The following FRAS1 variants were observed in gnomAD, a reference collection of about 807,000 sequenced individuals.
FRAS1 encodes the protein Fraser extracellular matrix complex subunit 1, also known as extracellular matrix organizing protein FRAS1.
A neutral mutation model predicts 435.2 loss-of-function variants in FRAS1; 290 were observed. The ratio of observed to expected loss-of-function variants is 0.67; its 90% CI spans 0.61 to 0.73. The LOEUF (loss-of-function observed/expected upper bound fraction) is 0.73. FRAS1 is among the 30% of genes least tolerant of loss of function. The pLI is 0.00. For synonymous variants in FRAS1, 1,800 were observed against 1,851.0 expected (o/e 0.97, Z 0.71); for missense variants, 4,860 against 5,001.5 (o/e 0.97, Z 0.85).
intron 2 of FRAS1, among the ~76,000 whole-genome samples, chr4:78,164,592 A>G (rs895312842): frequency 6.6e-6 from 1 of 152,178 alleles, no homozygotes; most frequent in African/African-American, 2.4e-5. Flanking sequence ...TCATTACTAT[A>G]TAACAGCTTC....
chr4:78,499,089 C>T (rs1720598692), intron 60 of FRAS1, among the ~76,000 whole-genome samples: 1 of 152,106 alleles, frequency 6.6e-6, no homozygotes. Flanking sequence ...TTCCTGGCAA[C>T]AGGATTCCAT....
rs999814205 is a variant in FRAS1 at position 78,475,428 on chromosome 4, G to A, written c.7683-10G>A. 1 of 1,613,658 alleles carries A rather than the reference G, an allele frequency of 6.2e-7. No individual in the cohort carries two copies. The highest frequency in any genetic ancestry group is 8.5e-7 in the Non-Finnish European group (1 of 1,179,720). On this transcript the variant is annotated splice_polypyrimidine_tract_variant and intron_variant, in intron 53 of 73. Coordinates refer to ENST00000512123, the MANE Select transcript of FRAS1 (RefSeq NM_025074.7). Reference sequence around the variant, plus strand: ...CATAGTTTAAGAGATGCCTTTTTGTGTGCTTCCAGCTACAATGTCAGTGAG... The same window carrying A: ...CATAGTTTAAGAGATGCCTTTTTGTATGCTTCCAGCTACAATGTCAGTGAG...
chr4:78,340,491 C>G (rs752863890), intron 20 of FRAS1, among the ~76,000 whole-genome samples: 14 of 152,208 alleles, frequency 9.2e-5, no homozygotes, highest in Admixed American at 3.9e-4. Context: ...AATGCATTCA[C>G]TCATGTACAG....
intron 2 of FRAS1, among the ~76,000 whole-genome samples, chr4:78,158,613 C>T (rs1035085621): frequency 1.5e-4 from 23 of 152,252 alleles, no homozygotes; most frequent in African/African-American, 4.1e-4. Context: ...CTCATGACTA[C>T]GTTGCAGTCA....
chr4:78,391,356 C>T (rs1732436017), intron 29 of FRAS1, among the ~76,000 whole-genome samples: 1 of 152,112 alleles, frequency 6.6e-6, no homozygotes, highest in Admixed American at 6.6e-5. Flanking sequence ...GGGAAGGAGG[C>T]AAAAGAATTA....
At chr4:78,155,956 TA>T (rs149947953) in intron 2 of FRAS1, among the ~76,000 whole-genome samples, 7,980 of 151,836 alleles carry the variant, frequency 0.053, 266 homozygotes, top group Middle Eastern at 0.088. Flanking sequence ...CAGCTAGAGT[TA>T]AAAAAAATAC....
chr4:78,106,129 G>A (rs1475427595), intron 2 of FRAS1, among the ~76,000 whole-genome samples: 3 of 110,296 alleles, frequency 2.7e-5, no homozygotes, highest in East Asian at 2.3e-4. Flanking sequence ...TGCTAGCACA[G>A]CAGTCTGAGA....
At chr4:78,317,284 C>G in intron 16 of FRAS1, 84 bp from the exon 17 acceptor site, 1 of 1,503,818 alleles carries the variant, frequency 6.6e-7, no homozygotes, top group Non-Finnish European at 9.2e-7. Context: ...GACTAAGAGT[C>G]CCAGGCCCGT....
chr4:78,126,370 A>T (rs997049467), intron 2 of FRAS1, among the ~76,000 whole-genome samples: 1 of 152,104 alleles, frequency 6.6e-6, no homozygotes, highest in African/African-American at 2.4e-5. Context: ...GTGAGGCAAC[A>T]CCCCACCCTG....
intron 2 of FRAS1, among the ~76,000 whole-genome samples, chr4:78,114,598 T>TG (rs1347408456): frequency 6.6e-6 from 1 of 151,988 alleles, no homozygotes; most frequent in Non-Finnish European, 1.5e-5. Flanking sequence ...CAATTGTGAA[T>TG]GGGGGTTCAC....
intron 18 of FRAS1, among the ~76,000 whole-genome samples, chr4:78,329,700 G>A (rs1326407706): frequency 1.3e-5 from 2 of 152,230 alleles, no homozygotes; most frequent in Non-Finnish European, 2.9e-5. Flanking sequence ...TTCCTATAAC[G>A]AGACTGACCA....
chr4:78,229,061 A>C (rs1420353803), intron 2 of FRAS1, among the ~76,000 whole-genome samples: 1 of 152,198 alleles, frequency 6.6e-6, no homozygotes, highest in Non-Finnish European at 1.5e-5. Context: ...TCATAAACCA[A>C]GCCTGTGGGT....
intron 14 of FRAS1, among the ~76,000 whole-genome samples, chr4:78,300,523 C>T (rs728200): frequency 0.032 from 4,810 of 152,120 alleles, 258 homozygotes; most frequent in African/African-American, 0.11. Context: ...TCCAAGTCCC[C>T]TCTCACCTGG....
intron 22 of FRAS1, among the ~76,000 whole-genome samples, chr4:78,367,078 A>G (rs1325010478): frequency 6.6e-6 from 1 of 152,166 alleles, no homozygotes. Flanking sequence ...GCTGAGGTAT[A>G]CATCACGGTT....
intron 2 of FRAS1, among the ~76,000 whole-genome samples, chr4:78,125,238 G>C (rs561166085): frequency 6.6e-6 from 1 of 152,098 alleles, no homozygotes; most frequent in East Asian, 1.9e-4. Flanking sequence ...GACTTTATTT[G>C]GTTATTTACC....
Position 78,543,367 on chromosome 4 carries a change from A to G in FRAS1, c.*2243A>G, listed in dbSNP as rs1292793168. 3 of 152,312 alleles carry G rather than the reference A, an allele frequency of 2.0e-5. No individual in the cohort carries two copies. The highest frequency in any genetic ancestry group is 4.8e-5 in the African/African-American group (2 of 41,456). 9.4% of individuals were successfully genotyped at this position (152,312 alleles called of 1,614,324 possible). A position where few individuals can be genotyped will look rare whatever the true frequency, so the allele number is the denominator to read the frequency against. On this transcript the variant is annotated 3_prime_UTR_variant, in exon 74 of 74. Coordinates refer to ENST00000512123, the MANE Select transcript of FRAS1 (RefSeq NM_025074.7). Reference sequence around the variant, plus strand: ...AAGCAGCACCTTTCCATTTGCCCACATATTCTTCTTGCACACCCCTTCCAT... The same window carrying G: ...AAGCAGCACCTTTCCATTTGCCCACGTATTCTTCTTGCACACCCCTTCCAT...
At chr4:78,488,753 C>A (rs1295525073) in intron 58 of FRAS1, 122 bp from the exon 59 acceptor site, 4 of 792,404 alleles carry the variant, frequency 5.0e-6, no homozygotes, top group Admixed American at 2.6e-5. Flanking sequence ...GATTTGTCAG[C>A]CTACCTTGGG....
chr4:78,294,798 C>T (rs1325772330), intron 14 of FRAS1, among the ~76,000 whole-genome samples: 1 of 152,136 alleles, frequency 6.6e-6, no homozygotes, highest in African/African-American at 2.4e-5. Context: ...CTCCCTCCAT[C>T]ATTAGGAAAA....
chr4:78,319,579 GA>G (rs141613490), intron 18 of FRAS1: 168 of 283,760 alleles, frequency 5.9e-4, no homozygotes, highest in South Asian at 9.6e-4. Context: ...AAAGCTACGT[GA>G]AAAAAAAATC....
Sources: gnomAD v4.1 joint callset for allele counts (sites outside exome capture counted in the v4.1 genomes callset) on GRCh38, gnomAD v4.1.1 for gene constraint, MANE v1.5 for transcripts, NCBI Gene and HGNC (gene_info 2026-07-23, HGNC 2026-07-21) for gene names.